SLCO3A1: variants seen among roughly 807,000 people sequenced by gnomAD.
The protein encoded by SLCO3A1 is PGE1 transporter.
SLCO3A1 carries 27 observed loss-of-function variants against 63.1 expected under a neutral mutation model. The observed-to-expected ratio is 0.43, with a 90% CI of 0.32 to 0.59. The LOEUF is 0.59. SLCO3A1 is among the 20% of genes least tolerant of loss of function. SLCO3A1 has a pLI of 0.09. For synonymous variants in SLCO3A1, 473 were observed against 409.9 expected (o/e 1.15, Z -1.86); for missense variants, 773 against 945.8 (o/e 0.82, Z 2.40).
At chr15:91,889,819 G>A (rs1204268215) in intron 1 of SLCO3A1, among the ~76,000 whole-genome samples, 2 of 151,722 alleles carry the variant, frequency 1.3e-5, no homozygotes, top group Admixed American at 6.5e-5. Context: ...ATTCTGTGAT[G>A]TCTAGTTCAT....
At position 91,875,048 on chromosome 15, in the gene SLCO3A1, C is replaced by T. The variant is rs1338727451; in HGVS notation, c.180+20960C>T. Among the ~76,000 whole-genome samples, 1 of 152,232 alleles carries T rather than the reference C, an allele frequency of 6.6e-6. No homozygotes were observed. The highest frequency in any genetic ancestry group is 1.5e-5 in the Non-Finnish European group (1 of 68,044). ...GAGATGGGTGGTTACATCCACACCA[C>T]TCCACATGAAACAGACATTTGCCGC... On this transcript the variant is annotated intron_variant, in intron 1 of 9. Coordinates refer to ENST00000318445, the MANE Select transcript of SLCO3A1 (RefSeq NM_013272.4). The surrounding 1 kb of genome is among the most constrained non-coding windows in gnomAD (Gnocchi z 4.5).
intron 2 of SLCO3A1, among the ~76,000 whole-genome samples, chr15:92,000,568 C>T (rs960091580): frequency 2.0e-5 from 3 of 151,728 alleles, no homozygotes; most frequent in African/African-American, 7.3e-5. Flanking sequence ...TAATAAGAGA[C>T]CTAAAGGCAA....
intron 2 of SLCO3A1, among the ~76,000 whole-genome samples, chr15:92,005,582 C>T (rs1223364577): frequency 1.3e-5 from 2 of 152,180 alleles, no homozygotes; most frequent in African/African-American, 2.4e-5. Flanking sequence ...CCTGCCTGTG[C>T]TTTGCTGCTG....
intron 8 of SLCO3A1, among the ~76,000 whole-genome samples, chr15:92,147,386 T>A (rs944954971): frequency 6.6e-6 from 1 of 151,656 alleles, no homozygotes; most frequent in African/African-American, 2.4e-5. Context: ...ACTTTCATGT[T>A]CTCCCAGAAA....
At chr15:92,157,411 T>G (rs1312501047) in intron 9 of SLCO3A1, among the ~76,000 whole-genome samples, 2 of 151,044 alleles carry the variant, frequency 1.3e-5, no homozygotes, top group Non-Finnish European at 2.9e-5. Context: ...GAGAGGACAC[T>G]AAAGTACACC....
Position 91,880,399 on chromosome 15 carries a change from C to CTGTGTGTGTGTGTGTG in SLCO3A1, c.180+26312_180+26313insGTGTGTGTGTGTGTGT, listed in dbSNP as rs1158728794. 3.7e-3 allele frequency among the ~76,000 whole-genome samples: 422 copies of CTGTGTGTGTGTGTGTG among 114,484 alleles called. 4 individuals are homozygous for CTGTGTGTGTGTGTGTG. Among genetic ancestry groups the CTGTGTGTGTGTGTGTG allele is most frequent in the South Asian group, 0.023 (57 of 2,428 alleles). 75.1% of individuals were successfully genotyped at this position (114,484 alleles called of 152,430 possible). On this transcript the variant is annotated intron_variant, in intron 1 of 9. Transcript: ENST00000318445. The stretch of plus-strand genomic sequence containing the variant: ...CTCGTGCTTCTCTCTCTCTCTCTCT[C>CTGTGTGTGTGTGTGTG]TCTCTCTCTCTGTGTGTGTGTGTGT...
At chr15:91,951,874 C>T (rs572206917) in intron 2 of SLCO3A1, among the ~76,000 whole-genome samples, 23 of 152,202 alleles carry the variant, frequency 1.5e-4, no homozygotes, top group Admixed American at 5.2e-4. Flanking sequence ...ATTTTCTGTG[C>T]GAACGTGCAT....
rs201825199 is a variant in SLCO3A1, at chr15:91,956,110, TG to T, written c.646+39656del. ...GAAGACCCATCCCCTGGGCGTGCAC[TG>T]GGGTCAGAGGCCAGCTTTTGGAAAA... On this transcript the variant is annotated intron_variant, in intron 2 of 9. Coordinates refer to ENST00000318445, the MANE Select transcript of SLCO3A1 (RefSeq NM_013272.4). 9.4e-3 allele frequency among the ~76,000 whole-genome samples: 1,432 copies of T among 152,258 alleles called. 14 individuals carry two copies. The highest frequency in any genetic ancestry group is 0.015 in the Non-Finnish European group (1,022 of 68,008).
chr15:92,152,827 T>A (rs1348204642), intron 9 of SLCO3A1, among the ~76,000 whole-genome samples: 1 of 152,192 alleles, frequency 6.6e-6, no homozygotes. Flanking sequence ...GCTCTGCCAT[T>A]ACGAGTCCTC....
chr15:91,960,743 G>A (rs1021375466), intron 2 of SLCO3A1, among the ~76,000 whole-genome samples: 1 of 152,094 alleles, frequency 6.6e-6, no homozygotes, highest in African/African-American at 2.4e-5. Context: ...TATCCAAAAT[G>A]CTTGGGATGA....
chr15:91,966,879 A>T (rs1900680002), intron 2 of SLCO3A1, among the ~76,000 whole-genome samples: 1 of 152,142 alleles, frequency 6.6e-6, no homozygotes, highest in South Asian at 2.1e-4. Context: ...GTCTAACCCT[A>T]GCTTCTGCAG....
intron 2 of SLCO3A1, among the ~76,000 whole-genome samples, chr15:92,080,938 C>CTGTGTGTATGTGTGTGTG (rs779165504): frequency 3.1e-5 from 4 of 128,896 alleles, no homozygotes; most frequent in African/African-American, 1.2e-4. Flanking sequence ...TACATAGTAG[C>CTGTGTGTATGTGTGTGTG]TGTGTGTGTG....
chr15:92,043,955 A>T (rs1597252408), intron 2 of SLCO3A1, among the ~76,000 whole-genome samples: 1 of 151,950 alleles, frequency 6.6e-6, no homozygotes, highest in South Asian at 2.1e-4. Flanking sequence ...GCTTTCCAAC[A>T]TATTCTGCAT....
chr15:92,097,511 C>T (rs138014347), intron 3 of SLCO3A1, among the ~76,000 whole-genome samples: 3 of 152,294 alleles, frequency 2.0e-5, no homozygotes, highest in Admixed American at 6.5e-5. Context: ...TCTGTTTGCC[C>T]GTTAAGGCCC....
chr15:92,126,466 A>C (rs1356298431), intron 6 of SLCO3A1, among the ~76,000 whole-genome samples: 7 of 152,186 alleles, frequency 4.6e-5, no homozygotes, highest in Admixed American at 3.9e-4. Flanking sequence ...GCTGGGAAGC[A>C]CTGGGGGAGA....
Position 91,865,390 on chromosome 15 carries a change from T to C in SLCO3A1, c.180+11302T>C, listed in dbSNP as rs750216528. On this transcript the variant is annotated intron_variant, in intron 1 of 9. Transcript: ENST00000318445. This position sits in a 1 kb window ranked among gnomAD's most constrained non-coding sequence, Gnocchi z 4.6. ...GGACATGGGCTTGGAGGGGAGAGGG[T>C]GGATGAGATGGTAGGCATTTCAGAA... is the stretch of plus-strand genomic sequence containing the variant. Among the ~76,000 whole-genome samples, 29 of 152,002 alleles carry C rather than the reference T, an allele frequency of 1.9e-4. No individual in the cohort carries two copies. Among genetic ancestry groups the C allele is most frequent in the Middle Eastern group, 3.2e-3 (1 of 316 alleles).
intron 2 of SLCO3A1, among the ~76,000 whole-genome samples, chr15:91,928,447 G>T (rs572914523): frequency 1.3e-5 from 2 of 152,134 alleles, no homozygotes; most frequent in Admixed American, 6.5e-5. Flanking sequence ...GCTACAGTCC[G>T]GTCTGGTCTC....
intron 9 of SLCO3A1, among the ~76,000 whole-genome samples, chr15:92,159,561 T>C (rs1385446189): frequency 7.9e-6 from 1 of 126,460 alleles, no homozygotes; most frequent in African/African-American, 3.2e-5. Context: ...TGAAAAACTT[T>C]GGTAGGTTTT....
chr15:92,059,337 G>A (rs1038086010), intron 2 of SLCO3A1, among the ~76,000 whole-genome samples: 2 of 152,190 alleles, frequency 1.3e-5, no homozygotes, highest in Non-Finnish European at 2.9e-5. Context: ...CTGCCCTCAG[G>A]CAGGGGGCTG....
Sources: gnomAD v4.1 joint callset for allele counts (sites outside exome capture counted in the v4.1 genomes callset) on GRCh38, gnomAD v4.1.1 for gene constraint, Gnocchi (gnomAD v3.1) non-coding constraint, MANE v1.5 for transcripts, NCBI Gene and HGNC (gene_info 2026-07-23, HGNC 2026-07-21) for gene names.